GCGR: variants seen among roughly 807,000 people sequenced by gnomAD.
The protein encoded by GCGR is glucagon receptor.
In GCGR, 41 loss-of-function variants were observed where a neutral mutation model predicts 56.1. The ratio of observed to expected loss-of-function variants is 0.73; its 90% confidence interval spans 0.57 to 0.95. GCGR has a LOEUF of 0.95. GCGR is among the 40% of genes least tolerant of loss of function. The pLI is 0.00. For synonymous variants in GCGR, 278 were observed against 271.1 expected, an observed-to-expected ratio of 1.03 and a Z score of -0.25; for missense variants, 595 against 638.2, an observed-to-expected ratio of 0.93 and a Z score of 0.73.
rs147056874 is a variant in GCGR at position 81,804,427 on chromosome 17, C to A, written c.-178+178C>A. 4.9e-3 allele frequency among the ~76,000 whole-genome samples: 748 copies of A among 151,880 alleles called. 3 individuals are homozygous for A. Among genetic ancestry groups the A allele is most frequent in the African/African-American group, 0.017 (703 of 41,470 alleles). ...CGTCAGACACCCCCGTTCCCAACCC[C>A]GGCTCGGACACCACCCGGTCCTGCA... On this transcript the variant is annotated intron_variant, in intron 1 of 13. Transcript: ENST00000400723. The surrounding 1 kb of genome is among the most constrained non-coding windows in gnomAD (Gnocchi z 8.2).
chr17:81,813,065 G>T lies in GCGR; in HGVS notation c.1218+8G>T. 1 of 1,535,876 alleles carries T rather than the reference G, an allele frequency of 6.5e-7. No homozygotes were observed. Among genetic ancestry groups the T allele is most frequent in the South Asian group, 1.2e-5 (1 of 84,032 alleles). ...TGCTTCCTCAACAAGGAGGTAGGTG[G>T]GAGTGGGGGCATCTGAGACCATCAG... On this transcript the variant is annotated splice_region_variant and intron_variant, in intron 13 of 13. Transcript: ENST00000400723. The surrounding 1 kb of genome is among the most constrained non-coding windows in gnomAD (Gnocchi z 5.3).
chr17:81,809,066 G>C lies in GCGR; in HGVS notation c.48G>C (p.Leu16=). ...PQRPLLLLLL[L]LACQPQVPSA... ...GACCCCTGCTGCTGTTGCTGCTGCT[G>C]CTGGCCTGCCAGGTGAGGACTCACA... The change falls in exon 2 of 14, where the codon CTG becomes CTC. Residue 16 remains leucine (L), a synonymous_variant. Transcript: ENST00000400723. The C allele has an allele frequency of 6.5e-7, 1 of 1,536,100 alleles. No individual in the cohort carries two copies.
rs1486905557 is a variant in GCGR, at chr17:81,812,644, A to G, written c.1016A>G (p.His339Arg). 3 of 1,536,198 alleles carry G rather than the reference A, an allele frequency of 2.0e-6. No individual in the cohort carries two copies. The highest frequency in any genetic ancestry group is 1.7e-4 in the Middle Eastern group (1 of 5,988). ...GCCAAGCTGCGGGCACGGCAGATGC[A>G]CCACACAGACTACAAGTTCCGGTGG... ...LVAKLRARQM[H>R]HTDYKFRLAK... The change falls in exon 11 of 14, where the codon CAC (histidine) becomes CGC (arginine). Residue 339 changes from histidine (H) to arginine (R), a missense_variant. Transcript: ENST00000400723. The surrounding 1 kb of genome is among the most constrained non-coding windows in gnomAD (Gnocchi z 8.5).
chr17:81,810,495 G>C lies in GCGR; in HGVS notation c.164-330G>C. On this transcript the variant is annotated intron_variant, in intron 3 of 13. Coordinates refer to ENST00000400723, the MANE Select transcript of GCGR (RefSeq NM_000160.5). The surrounding 1 kb of genome is among the most constrained non-coding windows in gnomAD (Gnocchi z 4.6). The stretch of plus-strand genomic sequence containing the variant: ...CCCAGAGAGGGAGGTGCTGAGAGAA[G>C]GTCACGGAGAATGGGGGACCCCAGT... 2.2e-6 allele frequency: 1 copy of C among 455,654 alleles called. No individual in the cohort carries two copies. Among genetic ancestry groups the C allele is most frequent in the South Asian group, 2.3e-5 (1 of 42,584 alleles). The allele number at this position is 455,654 out of a possible 1,614,324, so 28.2% of individuals were successfully genotyped here. A position where few individuals can be genotyped will look rare whatever the true frequency, so the allele number is the denominator to read the frequency against.
At chr17:81,805,838 T>C (rs1042364209) in intron 1 of GCGR, among the ~76,000 whole-genome samples, 2 of 152,062 alleles carry the variant, frequency 1.3e-5, no homozygotes, top group Non-Finnish European at 1.5e-5. Context: ...GGAAGGGTAA[T>C]ACGGAGCACT....
rs2038072284 is a variant in GCGR at position 81,810,620 on chromosome 17, C to T, written c.164-205C>T. 6.6e-6 allele frequency among the ~76,000 whole-genome samples: 1 copy of T among 151,314 alleles called. No individual in the cohort carries two copies. The highest frequency in any genetic ancestry group is 2.1e-4 in the South Asian group (1 of 4,794). On this transcript the variant is annotated intron_variant, in intron 3 of 13. Transcript: ENST00000400723. This position sits in a 1 kb window ranked among gnomAD's most constrained non-coding sequence, Gnocchi z 4.6. The stretch of plus-strand genomic sequence containing the variant: ...CTGGGCGTGCTAGCGGAGGCTGGTC[C>T]AGGGGAGGTGGATGGTCAGGTGAGG...
At position 81,808,942 on chromosome 17, in the gene GCGR, T is replaced by A; in HGVS notation, c.-77T>A. 1 of 1,511,688 alleles carries A rather than the reference T, an allele frequency of 6.6e-7. No homozygotes were observed. The highest frequency in any genetic ancestry group is 2.5e-5 in the East Asian group (1 of 40,766). The allele number at this position is 1,511,688 out of a possible 1,614,324, so 93.6% of individuals were successfully genotyped here. ...CCACTCAGCTGCCCTCGGAGGAGCG[T>A]ACACACCCACCAGGACTGCATTGCC... On this transcript the variant is annotated 5_prime_UTR_variant, in exon 2 of 14. Coordinates refer to ENST00000400723, the MANE Select transcript of GCGR (RefSeq NM_000160.5).
At chr17:81,809,541 G>A (rs149279250) in intron 2 of GCGR, among the ~76,000 whole-genome samples, 169 of 142,164 alleles carry the variant, frequency 1.2e-3, no homozygotes, top group Non-Finnish European at 1.3e-3. Flanking sequence ...CTGTCTGCCC[G>A]TCTGCCTGTC....
intron 1 of GCGR, among the ~76,000 whole-genome samples, chr17:81,808,605 T>C (rs533835575): frequency 2.0e-3 from 306 of 151,244 alleles, no homozygotes; most frequent in African/African-American, 7.1e-3. Flanking sequence ...CTGCAAGCTC[T>C]GCCTCCCGGG....
rs147056874 is a variant in GCGR, at chr17:81,804,427, C to G, written c.-178+178C>G. On this transcript the variant is annotated intron_variant, in intron 1 of 13. Coordinates refer to ENST00000400723, the MANE Select transcript of GCGR (RefSeq NM_000160.5). The surrounding 1 kb of genome is among the most constrained non-coding windows in gnomAD (Gnocchi z 8.2). ...CGTCAGACACCCCCGTTCCCAACCC[C>G]GGCTCGGACACCACCCGGTCCTGCA... 6.6e-6 allele frequency among the ~76,000 whole-genome samples: 1 copy of G among 151,776 alleles called. No homozygotes were observed. Among genetic ancestry groups the G allele is most frequent in the Non-Finnish European group, 1.5e-5 (1 of 67,890 alleles).
intron 1 of GCGR, among the ~76,000 whole-genome samples, chr17:81,808,636 C>T (rs1207271055): frequency 6.6e-6 from 1 of 151,876 alleles, no homozygotes; most frequent in Admixed American, 6.6e-5. Context: ...TCTCCTGCCT[C>T]AAGCTCCCGA....
chr17:81,813,096 G>A lies in GCGR; in HGVS notation c.1218+39G>A, dbSNP rs536323539. 8.3e-5 allele frequency: 128 copies of A among 1,534,940 alleles called. No homozygotes were observed. In the African/African-American group the frequency reaches 1.6e-3, roughly 20 times the overall value. On this transcript the variant is annotated intron_variant, in intron 13 of 13. Coordinates refer to ENST00000400723, the MANE Select transcript of GCGR (RefSeq NM_000160.5). The surrounding 1 kb of genome is among the most constrained non-coding windows in gnomAD (Gnocchi z 5.3). ...GGGGCATCTGAGACCATCAGCACTG[G>A]CCGTCGGGGTCAGGGGCAGAGAGAG... is the stretch of plus-strand genomic sequence containing the variant.
intron 2 of GCGR, among the ~76,000 whole-genome samples, chr17:81,809,536 TGCCC>T (rs1486109093): frequency 6.8e-6 from 1 of 147,820 alleles, no homozygotes; most frequent in East Asian, 2.0e-4. Context: ...TCTGCCTGTC[TGCCC>T]GTCTGCCTGT....
chr17:81,810,798 T>TCTGCCCTGCC lies in GCGR; in HGVS notation c.164-24_164-15dup. ...CTTCTCCCACCCTGCCCTGCCCTGC[T>TCTGCCCTGCC]CTGCCCTGCCCTACCCTACCCTGCA... On this transcript the variant is annotated intron_variant, in intron 3 of 13. Transcript: ENST00000400723. This position sits in a 1 kb window ranked among gnomAD's most constrained non-coding sequence, Gnocchi z 4.6. The TCTGCCCTGCC allele has an allele frequency of 1.3e-6, 2 of 1,521,278 alleles. No homozygotes were observed. The highest frequency in any genetic ancestry group is 1.2e-5 in the South Asian group (1 of 83,802). 94.2% of individuals were successfully genotyped at this position (1,521,278 alleles called of 1,614,324 possible).
rs2038087691 is a variant in GCGR, at chr17:81,811,116, GGAGATT to G, written c.382_387del (p.Ile128_Glu129del). 1.3e-6 allele frequency: 2 copies of G among 1,536,276 alleles called. No homozygotes were observed. Among genetic ancestry groups the G allele is most frequent in the Non-Finnish European group, 1.7e-6 (2 of 1,146,832 alleles). On this transcript the variant is annotated inframe_deletion, in exon 5 of 14. Transcript: ENST00000400723. The surrounding 1 kb of genome is among the most constrained non-coding windows in gnomAD (Gnocchi z 5.8). The stretch of plus-strand genomic sequence containing the variant: ...CCTCCCAGTGCCAGATGGATGGCGA[GGAGATT>G]GAGGTCCAGGTCAGTGGGCGGCAGG...
At chr17:81,809,307 CCTGTCCAT>C (rs1396368115) in intron 2 of GCGR, among the ~76,000 whole-genome samples, 1 of 128,916 alleles carries the variant, frequency 7.8e-6, no homozygotes, top group African/African-American at 3.0e-5. Flanking sequence ...TGTCTGTCTG[CCTGTCCAT>C]CTGTCCATCT....
Position 81,813,482 on chromosome 17 carries a change from G to A in GCGR, c.1227G>A (p.Ser409=), listed in dbSNP as rs756622299. ...CCCGTCCCCCTCCCCAGGTGCAGTC[G>A]GAGCTGCGGCGGCGTTGGCACCGCT... ...LYCFLNKEVQ[S]ELRRRWHRWR... is the part of the protein sequence containing the mutation. Residue 409 remains serine, a synonymous_variant, in exon 14 of 14, where the codon TCG becomes TCA. Coordinates refer to ENST00000400723, the MANE Select transcript of GCGR (RefSeq NM_000160.5). The surrounding 1 kb of genome is among the most constrained non-coding windows in gnomAD (Gnocchi z 5.3). 40 of 1,534,954 alleles carry A rather than the reference G, an allele frequency of 2.6e-5. No individual in the cohort carries two copies. The highest frequency in any genetic ancestry group is 2.2e-4 in the East Asian group (9 of 40,904).
At position 81,811,958 on chromosome 17, in the gene GCGR, C is replaced by T. The variant is rs140065949; in HGVS notation, c.878+12C>T. 0.029 allele frequency: 44,831 copies of T among 1,536,298 alleles called. 781 individuals carry two copies. The highest frequency in any genetic ancestry group is 0.078 in the Middle Eastern group (464 of 5,952). ...TTCGAGAACGTCCAGTGAGTATGAG[C>T]GGCTGGACAGCCTGGGGAGGGACCG... On this transcript the variant is annotated intron_variant, in intron 9 of 13. Transcript: ENST00000400723. The surrounding 1 kb of genome is among the most constrained non-coding windows in gnomAD (Gnocchi z 5.8).
Position 81,811,573 on chromosome 17 carries a change from C to T in GCGR, c.657+13C>T, listed in dbSNP as rs1439376656. 1.9e-5 allele frequency: 29 copies of T among 1,536,040 alleles called. No individual in the cohort carries two copies. The highest frequency in any genetic ancestry group is 2.7e-5 in the African/African-American group (2 of 73,030). ...GCTCAGTGATGGAGTGAGCCCCCCTCGGCGGCCCCAGGCAGGTGGGTGGGT... is the reference window on the plus strand; with the variant it reads ...GCTCAGTGATGGAGTGAGCCCCCCTTGGCGGCCCCAGGCAGGTGGGTGGGT... On this transcript the variant is annotated intron_variant, in intron 7 of 13. Transcript: ENST00000400723. The surrounding 1 kb of genome is among the most constrained non-coding windows in gnomAD (Gnocchi z 5.8).
Sources: allele counts gnomAD v4.1 joint callset (sites outside exome capture counted in the v4.1 genomes callset), GRCh38; gene constraint gnomAD v4.1.1; non-coding constraint Gnocchi (gnomAD v3.1); transcripts MANE v1.5; gene names NCBI Gene and HGNC (gene_info 2026-07-23, HGNC 2026-07-21).